Variants in MALRD1 observed in about 807,000 individuals in gnomAD.
MALRD1 encodes the protein MAM and LDL-receptor class A domain-containing protein 1.
A neutral mutation model predicts 242.1 loss-of-function variants in MALRD1; 247 were observed. That is an observed-to-expected ratio of 1.02 (90% confidence interval 0.92 to 1.13). The LOEUF (loss-of-function observed/expected upper bound fraction) is 1.13, where lower values mean the gene tolerates loss of function less well. Among genes scored for constraint, MALRD1 ranks in the 50% most tolerant of loss-of-function variants. The pLI is 0.00. For synonymous variants in MALRD1, 995 were observed against 866.6 expected, an observed-to-expected ratio of 1.15 and a Z score of -2.60; for missense variants, 2,989 against 2,533.1, an observed-to-expected ratio of 1.18 and a Z score of -3.86.
chr10:19,465,531 T>C (rs1341155007), intron 29 of MALRD1, among the ~76,000 whole-genome samples: 2 of 152,118 alleles, frequency 1.3e-5, no homozygotes, highest in Admixed American at 6.6e-5. Flanking sequence ...TCTGGAGTCT[T>C]TTTAAAAAAT....
intron 18 of MALRD1, among the ~76,000 whole-genome samples, chr10:19,225,485 G>A (rs1021722190): frequency 4.6e-5 from 7 of 151,374 alleles, no homozygotes; most frequent in Non-Finnish European, 1.0e-4. Context: ...ATATGTATAT[G>A]TGCAAATAGA....
intron 25 of MALRD1, among the ~76,000 whole-genome samples, chr10:19,348,503 G>T (rs1467840227): frequency 2.0e-5 from 3 of 152,002 alleles, no homozygotes; most frequent in African/African-American, 7.2e-5. Context: ...AAAGGACCCT[G>T]AACTTATTCC....
intron 5 of MALRD1, among the ~76,000 whole-genome samples, chr10:19,121,548 G>T (rs1837065379): frequency 6.6e-6 from 1 of 152,170 alleles, no homozygotes; most frequent in South Asian, 2.1e-4. Context: ...TTCTAAGATG[G>T]ATGAAGTTTT....
At chr10:19,482,637 C>A (rs1837044158) in intron 29 of MALRD1, among the ~76,000 whole-genome samples, 1 of 139,046 alleles carries the variant, frequency 7.2e-6, no homozygotes, top group Admixed American at 7.4e-5. Context: ...AGAGCACAAT[C>A]CCATTTACAA....
intron 11 of MALRD1, among the ~76,000 whole-genome samples, chr10:19,151,037 A>G (rs981529292): frequency 2.0e-5 from 3 of 152,190 alleles, no homozygotes; most frequent in Non-Finnish European, 4.4e-5. Context: ...AAACTTTAGT[A>G]CTTCAATTTT....
chr10:19,128,451 C>T, intron 8 of MALRD1, 64 bp downstream of exon 8: 2 of 1,129,240 alleles, frequency 1.8e-6, no homozygotes, highest in Non-Finnish European at 2.2e-6. Flanking sequence ...CTCTTGGCAA[C>T]TTGTGTTTCG....
intron 12 of MALRD1, among the ~76,000 whole-genome samples, chr10:19,162,511 G>C (rs1447367512): frequency 6.6e-6 from 1 of 152,156 alleles, no homozygotes. Context: ...CAGGTTGAGA[G>C]GCACAGAGTT....
rs1028349382 is a variant in MALRD1 at position 19,491,544 on chromosome 10, A to T, written c.5057A>T (p.Glu1686Val). The change falls in exon 30 of 40, where the codon GAA (glutamate) becomes GTA (valine). Residue 1686 changes from glutamate to valine, a missense_variant. Transcript: ENST00000454679. ...TVGEISELCP[E>V]ITDFLCRDKK... ...GGAGAGATCTCTGAGCTTTGTCCGG[A>T]AATCACTGATTTTTTGTGCCGGGAC... 6.5e-7 allele frequency: 1 copy of T among 1,550,088 alleles called. No homozygotes were observed.
At chr10:19,412,637 T>C (rs902941291) in intron 28 of MALRD1, among the ~76,000 whole-genome samples, 11 of 152,310 alleles carry the variant, frequency 7.2e-5, no homozygotes, top group African/African-American at 1.9e-4. Context: ...TAGTGAAGAA[T>C]TGATAACTTA....
chr10:19,171,466 G>A (rs12762789), intron 13 of MALRD1, among the ~76,000 whole-genome samples: 1,587 of 108,188 alleles, frequency 0.015, 47 homozygotes, highest in Middle Eastern at 0.029. Flanking sequence ...ATACACACAT[G>A]TATATACACA....
intron 5 of MALRD1, among the ~76,000 whole-genome samples, chr10:19,110,046 C>T (rs1450330145): frequency 6.6e-6 from 1 of 152,206 alleles, no homozygotes; most frequent in African/African-American, 2.4e-5. Context: ...CTTCCATTTT[C>T]TATGAATCCA....
rs1413648862 is a variant in MALRD1 at position 19,627,758 on chromosome 10, C to CAAA, written c.6137+11835_6137+11836insAAA. The stretch of plus-strand genomic sequence containing the variant: ...AGCCTGGGCGACAGAGCAAGACTGT[C>CAAA]TAAAAAAAAAAAAAAAAAAAGGAAA... On this transcript the variant is annotated intron_variant, in intron 36 of 39. Transcript: ENST00000454679. Among the ~76,000 whole-genome samples, 4 of 89,478 alleles carry CAAA rather than the reference C, an allele frequency of 4.5e-5. No individual in the cohort carries two copies. In the East Asian group the frequency reaches 1.5e-3, roughly 33 times the overall value. 58.7% of individuals were successfully genotyped at this position (89,478 alleles called of 152,430 possible).
intron 21 of MALRD1, among the ~76,000 whole-genome samples, chr10:19,304,969 A>G (rs1024900790): frequency 3.3e-5 from 5 of 151,672 alleles, no homozygotes; most frequent in Non-Finnish European, 7.4e-5. Context: ...TCATCAACCA[A>G]AAAGTATTGA....
chr10:19,577,771 AAACAT>A (rs1836901901), intron 33 of MALRD1, among the ~76,000 whole-genome samples: 1 of 152,080 alleles, frequency 6.6e-6, no homozygotes, highest in Admixed American at 6.6e-5. Flanking sequence ...ATATATAATA[AAACAT>A]AACATGGTAA....
intron 21 of MALRD1, among the ~76,000 whole-genome samples, chr10:19,301,709 C>T (rs998427519): frequency 1.3e-5 from 2 of 151,590 alleles, no homozygotes; most frequent in African/African-American, 4.8e-5. Context: ...CCGGGACCTT[C>T]TTGAGGGTGG....
At chr10:19,254,251 G>A (rs1454781037) in intron 18 of MALRD1, among the ~76,000 whole-genome samples, 3 of 151,978 alleles carry the variant, frequency 2.0e-5, no homozygotes, top group South Asian at 2.1e-4. Flanking sequence ...TCACTTTAAT[G>A]CTTTTGAGGT....
intron 1 of MALRD1, among the ~76,000 whole-genome samples, chr10:19,058,829 A>C (rs1590369770): frequency 6.6e-6 from 1 of 152,238 alleles, no homozygotes; most frequent in South Asian, 2.1e-4. Context: ...TTTTAAAATA[A>C]AATAAATATG....
intron 2 of MALRD1, among the ~76,000 whole-genome samples, chr10:19,069,646 T>G (rs1394495478): frequency 1.3e-5 from 2 of 151,894 alleles, no homozygotes; most frequent in Non-Finnish European, 2.9e-5. Flanking sequence ...CTTGAAATGT[T>G]TTCCTACTGG....
chr10:19,687,707 A>G (rs896762012), intron 36 of MALRD1, among the ~76,000 whole-genome samples: 2 of 152,178 alleles, frequency 1.3e-5, no homozygotes, highest in Non-Finnish European at 2.9e-5. Flanking sequence ...CTGATTTACT[A>G]TTGAGAAAGT....
Sources: allele counts gnomAD v4.1 joint callset (sites outside exome capture counted in the v4.1 genomes callset), GRCh38; gene constraint gnomAD v4.1.1; transcripts MANE v1.5; gene names NCBI Gene and HGNC (gene_info 2026-07-23, HGNC 2026-07-21).